Variants in C2orf49 observed in about 807,000 individuals in gnomAD.
C2orf49 encodes tRNA-splicing ligase complex subunit ASW.
Under a neutral mutation model 20.6 loss-of-function variants are expected in C2orf49, and 11 were observed. The observed-to-expected ratio is 0.53, with a 90% CI of 0.34 to 0.88. C2orf49 has a LOEUF of 0.88. Among genes scored for constraint, C2orf49 ranks in the 40% least tolerant of loss-of-function variants. The probability of loss-of-function intolerance (pLI) is 0.02; values close to 1 mark genes in which losing one functional copy is unlikely to be tolerated. For synonymous variants in C2orf49, 134 were observed against 108.5 expected (o/e 1.24, Z -1.46); for missense variants, 289 against 274.2 (o/e 1.05, Z -0.38).
At chr2:105,383,658 AC>A in the C2orf49 span, among the ~76,000 whole-genome samples, 1 of 152,194 alleles carries the variant, frequency 6.6e-6, no homozygotes, top group Admixed American at 6.5e-5. Context: ...GAGATTGGCC[AC>A]CAGACCTAAG....
the C2orf49 span, among the ~76,000 whole-genome samples, chr2:105,364,011 C>A: frequency 6.6e-6 from 1 of 152,294 alleles, no homozygotes; most frequent in Admixed American, 6.5e-5. Flanking sequence ...AATCTCAGGA[C>A]TTTGGGAGGC....
At chr2:105,385,720 T>A in the C2orf49 span, among the ~76,000 whole-genome samples, 1 of 152,186 alleles carries the variant, frequency 6.6e-6, no homozygotes, top group Non-Finnish European at 1.5e-5. Flanking sequence ...AAGAGTCTGC[T>A]GAGAAGCGCA....
At chr2:105,369,106 T>C in the C2orf49 span, among the ~76,000 whole-genome samples, 1 of 152,244 alleles carries the variant, frequency 6.6e-6, no homozygotes, top group Non-Finnish European at 1.5e-5. Flanking sequence ...AATATTTATC[T>C]GATTTTTGAA....
downstream of C2orf49, among the ~76,000 whole-genome samples, chr2:105,349,425 A>C (rs186094204): frequency 2.0e-5 from 3 of 151,992 alleles, no homozygotes; most frequent in Admixed American, 6.6e-5. Context: ...TAGATTCTTC[A>C]TTTTTTTTGT....
chr2:105,384,261 T>C, the C2orf49 span, among the ~76,000 whole-genome samples: 1 of 152,226 alleles, frequency 6.6e-6, no homozygotes, highest in African/African-American at 2.4e-5. Context: ...TCGGGCTATC[T>C]ACTTCTTCCT....
the C2orf49 span, among the ~76,000 whole-genome samples, chr2:105,379,160 G>C: frequency 0.48 from 72,266 of 152,080 alleles, 18,382 homozygotes; most frequent in African/African-American, 0.66. Flanking sequence ...TCACCATTGG[G>C]AAGTAATTGA....
intron 2 of C2orf49, among the ~76,000 whole-genome samples, chr2:105,341,950 T>C (rs977263156): frequency 2.0e-5 from 3 of 152,194 alleles, no homozygotes; most frequent in African/African-American, 7.2e-5. Flanking sequence ...GGCGGGCGGA[T>C]TACCCTGAGG....
chr2:105,379,534 T>A, the C2orf49 span, among the ~76,000 whole-genome samples: 1 of 152,238 alleles, frequency 6.6e-6, no homozygotes. Context: ...GTTTTATTCT[T>A]ATAGATGAGC....
At chr2:105,368,210 C>G in the C2orf49 span, among the ~76,000 whole-genome samples, 1 of 152,304 alleles carries the variant, frequency 6.6e-6, no homozygotes, top group South Asian at 2.1e-4. Flanking sequence ...CCTGGAACCT[C>G]GAACCTGATT....
the C2orf49 span, among the ~76,000 whole-genome samples, chr2:105,370,091 A>G: frequency 6.6e-6 from 1 of 152,168 alleles, no homozygotes; most frequent in Admixed American, 6.5e-5. Flanking sequence ...TAGTCAAATG[A>G]GGCTGGCTGC....
At position 105,347,386 on chromosome 2, in the gene C2orf49, T is replaced by G. The variant is rs968880972; in HGVS notation, c.*2015T>G. The stretch of plus-strand genomic sequence containing the variant: ...GTTGCTCTCTTAGTTGAGAGAGAGT[T>G]AGCCATTTGACGATTTTAAGTCAGT... On this transcript the variant is annotated 3_prime_UTR_variant, in exon 4 of 4. Coordinates refer to ENST00000258457, the MANE Select transcript of C2orf49 (RefSeq NM_024093.3). The G allele has an allele frequency of 7.2e-5, 11 of 152,218 alleles. No individual in the cohort carries two copies. The highest frequency in any genetic ancestry group is 2.9e-5 in the Non-Finnish European group (2 of 68,038). 9.4% of individuals were successfully genotyped at this position (152,218 alleles called of 1,614,324 possible). A position where few individuals can be genotyped will look rare whatever the true frequency, so the allele number is the denominator to read the frequency against.
the C2orf49 span, chr2:105,359,067 C>G: frequency 2.0e-5 from 3 of 152,188 alleles, no homozygotes; most frequent in African/African-American, 7.2e-5. Flanking sequence ...TGTCTACTGC[C>G]CTCCAATATC....
downstream of C2orf49, among the ~76,000 whole-genome samples, chr2:105,350,991 C>G (rs183985726): frequency 2.1e-4 from 32 of 152,244 alleles, no homozygotes; most frequent in East Asian, 5.8e-3. Context: ...TCATGTTAGG[C>G]TTCTCTTGGA....
At chr2:105,369,292 T>C in the C2orf49 span, among the ~76,000 whole-genome samples, 21 of 152,216 alleles carry the variant, frequency 1.4e-4, no homozygotes, top group Non-Finnish European at 2.6e-4. Context: ...GACTAGTCCA[T>C]AGCTCTCAGC....
chr2:105,340,650 C>T (rs1399543226), intron 2 of C2orf49, among the ~76,000 whole-genome samples: 1 of 152,148 alleles, frequency 6.6e-6, no homozygotes, highest in African/African-American at 2.4e-5. Flanking sequence ...ATTTCAAAAA[C>T]AGTTTTATAA....
chr2:105,370,215 C>A, the C2orf49 span, among the ~76,000 whole-genome samples: 23 of 149,766 alleles, frequency 1.5e-4, no homozygotes, highest in African/African-American at 3.7e-4. Flanking sequence ...TCTACCCCCC[C>A]AAAAAAAAAA....
chr2:105,370,013 ACT>A, the C2orf49 span, among the ~76,000 whole-genome samples: 3 of 152,286 alleles, frequency 2.0e-5, no homozygotes, highest in Admixed American at 6.5e-5. Context: ...TGAATCGCAC[ACT>A]CTGAACCAAG....
At chr2:105,366,479 C>T in the C2orf49 span, among the ~76,000 whole-genome samples, 1 of 152,122 alleles carries the variant, frequency 6.6e-6, no homozygotes, top group Non-Finnish European at 1.5e-5. Flanking sequence ...CTGCCCAGGG[C>T]GAGTGAGCAG....
the C2orf49 span, among the ~76,000 whole-genome samples, chr2:105,355,488 T>C: frequency 6.6e-6 from 1 of 152,130 alleles, no homozygotes; most frequent in South Asian, 2.1e-4. Flanking sequence ...TATCCTTGCA[T>C]ACAAGAAAAC....
Sources: allele counts gnomAD v4.1 joint callset (sites outside exome capture counted in the v4.1 genomes callset), GRCh38; gene constraint gnomAD v4.1.1; transcripts MANE v1.5; gene names NCBI Gene and HGNC (gene_info 2026-07-23, HGNC 2026-07-21).